Variants in ADAM18 observed in about 807,000 individuals in gnomAD.
ADAM18 encodes the protein disintegrin and metalloproteinase domain-containing protein 18.
A neutral mutation model predicts 94.4 loss-of-function variants in ADAM18; 117 were observed. The ratio of observed to expected loss-of-function variants is 1.24; its 90% confidence interval spans 1.07 to 1.45. The LOEUF is 1.45. ADAM18 is among the 40% of genes most tolerant of loss of function. The pLI, the probability that ADAM18 is intolerant of heterozygous loss-of-function variation, is 0.00. For missense variants in ADAM18, 936 were observed against 880.0 expected, an observed-to-expected ratio of 1.06 and a Z score of -0.81; for synonymous variants, 327 against 291.6, an observed-to-expected ratio of 1.12 and a Z score of -1.24.
chr8:39,663,799 G>C lies in ADAM18; in HGVS notation c.1235G>C (p.Cys412Ser). Residue 412 changes from cysteine to serine, a missense_variant, in exon 13 of 20, where the codon TGT (cysteine) becomes TCT (serine). Transcript: ENST00000265707. ...EECDCGNKNE[C>S]QFKKCCDYNT... ...TTTCTTCCTGTAAAATTTTAGGAAT[G>C]TCAATTTAAGAAGTGCTGTGATTAT... The C allele has an allele frequency of 6.2e-7, 1 of 1,607,698 alleles. No homozygotes were observed. The highest frequency in any genetic ancestry group is 8.5e-7 in the Non-Finnish European group (1 of 1,176,914).
chr8:39,701,357 G>C (rs1378663196), intron 17 of ADAM18, among the ~76,000 whole-genome samples: 2 of 151,218 alleles, frequency 1.3e-5, no homozygotes, highest in Non-Finnish European at 2.9e-5. Flanking sequence ...TTTTTAATAC[G>C]TTGTGATAAT....
intron 14 of ADAM18, among the ~76,000 whole-genome samples, chr8:39,674,195 G>T (rs1031200080): frequency 6.6e-6 from 1 of 152,172 alleles, no homozygotes; most frequent in South Asian, 2.1e-4. Flanking sequence ...CTTCTGTCTC[G>T]TTGATCTGTC....
chr8:39,628,237 A>C (rs1205314110), intron 6 of ADAM18, among the ~76,000 whole-genome samples: 1 of 152,028 alleles, frequency 6.6e-6, no homozygotes, highest in Non-Finnish European at 1.5e-5. Context: ...AAAGTTTAAA[A>C]GACCAAACTC....
chr8:39,668,888 A>G (rs897196576), intron 14 of ADAM18, among the ~76,000 whole-genome samples: 1 of 152,108 alleles, frequency 6.6e-6, no homozygotes, highest in African/African-American at 2.4e-5. Context: ...TATAATTTGT[A>G]CCAAATTACA....
intron 16 of ADAM18, among the ~76,000 whole-genome samples, chr8:39,681,710 A>T (rs748287505): frequency 6.6e-6 from 1 of 152,172 alleles, no homozygotes; most frequent in Non-Finnish European, 1.5e-5. Flanking sequence ...CCAACTCTGC[A>T]CTTTGAGGAC....
rs954313052 is a variant in ADAM18 at position 39,717,210 on chromosome 8, A to T, written c.2018-6538A>T. 4.6e-5 allele frequency among the ~76,000 whole-genome samples: 7 copies of T among 151,796 alleles called. No individual in the cohort carries two copies. The South Asian group carries it at 6.2e-4, about 13-fold the overall frequency. On this transcript the variant is annotated intron_variant, in intron 18 of 19. Coordinates refer to ENST00000265707, the MANE Select transcript of ADAM18 (RefSeq NM_014237.3). ...ATTAACAATCTAAGCTCAATCACAT[A>T]AAAAAACTACACATTTACACCCTCC...
intron 12 of ADAM18, among the ~76,000 whole-genome samples, chr8:39,659,729 A>T (rs367570516): frequency 1.9e-3 from 294 of 152,222 alleles, no homozygotes; most frequent in African/African-American, 6.9e-3. Flanking sequence ...TAAAAAGCAT[A>T]TCTAATAGCA....
At chr8:39,673,106 G>T (rs1231850950) in intron 14 of ADAM18, among the ~76,000 whole-genome samples, 1 of 152,134 alleles carries the variant, frequency 6.6e-6, no homozygotes, top group Non-Finnish European at 1.5e-5. Flanking sequence ...GGATGCAGGG[G>T]TGGTTGGCTA....
chr8:39,661,832 T>G (rs1164614267), intron 12 of ADAM18, among the ~76,000 whole-genome samples: 1 of 151,790 alleles, frequency 6.6e-6, no homozygotes, highest in African/African-American at 2.4e-5. Flanking sequence ...CTTCCATTTG[T>G]GAAAAATGGA....
At chr8:39,729,863 T>A in intron 19 of ADAM18, 35 bp from the exon 20 acceptor site, 1 of 1,588,488 alleles carries the variant, frequency 6.3e-7, no homozygotes, top group South Asian at 1.1e-5. Context: ...AAACATATTG[T>A]GAATTTCTAT....
At chr8:39,654,325 C>T (rs958769711) in intron 12 of ADAM18, among the ~76,000 whole-genome samples, 5 of 151,284 alleles carry the variant, frequency 3.3e-5, no homozygotes, top group African/African-American at 1.2e-4. Flanking sequence ...CCGCCTTGGC[C>T]TCCCAAAGTG....
intron 16 of ADAM18, among the ~76,000 whole-genome samples, chr8:39,684,862 C>G (rs1438798070): frequency 6.6e-6 from 1 of 152,200 alleles, no homozygotes; most frequent in South Asian, 2.1e-4. Flanking sequence ...GACCTCACCA[C>G]TGTGTTATCC....
intron 2 of ADAM18, among the ~76,000 whole-genome samples, chr8:39,587,705 C>T (rs947795382): frequency 1.3e-5 from 2 of 152,136 alleles, no homozygotes; most frequent in African/African-American, 2.4e-5. Flanking sequence ...CTCGGCCTCC[C>T]AAAGTGCTGG....
chr8:39,621,913 G>C (rs1194058262), intron 6 of ADAM18, among the ~76,000 whole-genome samples: 1 of 152,072 alleles, frequency 6.6e-6, no homozygotes, highest in Admixed American at 6.6e-5. Flanking sequence ...ACACACACTG[G>C]GTTCTGTCAG....
intron 12 of ADAM18, among the ~76,000 whole-genome samples, chr8:39,650,961 C>A (rs145781204): frequency 8.5e-6 from 1 of 117,618 alleles, no homozygotes; most frequent in East Asian, 2.3e-4. Context: ...TCTCTGAGTT[C>A]CCTCAGTATT....
At chr8:39,605,320 G>A (rs965918358) in intron 2 of ADAM18, among the ~76,000 whole-genome samples, 20 of 152,136 alleles carry the variant, frequency 1.3e-4, no homozygotes, top group African/African-American at 4.8e-4. Context: ...GGCATCACCT[G>A]CTGTTTCTGG....
chr8:39,623,974 G>T (rs1819691585), intron 6 of ADAM18, among the ~76,000 whole-genome samples: 1 of 152,126 alleles, frequency 6.6e-6, no homozygotes, highest in Non-Finnish European at 1.5e-5. Context: ...GCCTATTTGT[G>T]TAATTTGCCT....
chr8:39,593,040 A>AT (rs1417757797), intron 2 of ADAM18, among the ~76,000 whole-genome samples: 6 of 152,124 alleles, frequency 3.9e-5, no homozygotes, highest in Non-Finnish European at 5.9e-5. Context: ...ATCACCTTGC[A>AT]TTTTTGTTAT....
At chr8:39,592,364 A>G (rs769780071) in intron 2 of ADAM18, among the ~76,000 whole-genome samples, 5 of 152,212 alleles carry the variant, frequency 3.3e-5, no homozygotes, top group Non-Finnish European at 7.4e-5. Context: ...AGGAATATAG[A>G]TCATTTTAAA....
Sources: gnomAD v4.1 joint callset for allele counts (sites outside exome capture counted in the v4.1 genomes callset) on GRCh38, gnomAD v4.1.1 for gene constraint, MANE v1.5 for transcripts, NCBI Gene and HGNC (gene_info 2026-07-23, HGNC 2026-07-21) for gene names.